Variants in HOOK3 observed in about 807,000 individuals in gnomAD.
HOOK3 encodes hook microtubule tethering protein 3, also known as protein Hook homolog 3.
In HOOK3, 24 loss-of-function variants were observed where a neutral mutation model predicts 116.3. The observed-to-expected ratio is 0.21, with a 90% confidence interval of 0.15 to 0.29. The LOEUF (loss-of-function observed/expected upper bound fraction) is 0.29, where lower values mean the gene tolerates loss of function less well. Among genes scored for constraint, HOOK3 ranks in the 10% least tolerant of loss-of-function variants. The probability of loss-of-function intolerance (pLI) is 1.00; values close to 1 mark genes in which losing one functional copy is unlikely to be tolerated. For missense variants in HOOK3, 632 were observed against 830.2 expected (o/e 0.76, Z 2.93); for synonymous variants, 275 against 283.0 (o/e 0.97, Z 0.28).
At position 42,903,002 on chromosome 8, in the gene HOOK3, G is replaced by A. The variant is rs141569291; in HGVS notation, c.58-3171G>A. Among the ~76,000 whole-genome samples the A allele has an allele frequency of 5.1e-4, 78 of 152,224 alleles. No homozygotes were observed. In the East Asian group the frequency reaches 0.011, roughly 22 times the overall value. ...TGGCAACTGTAGAATGGAAGCAAGTGCTTATTTCTTTTAAGTGCTTATTTC... is the reference window on the plus strand; with the variant it reads ...TGGCAACTGTAGAATGGAAGCAAGTACTTATTTCTTTTAAGTGCTTATTTC... On this transcript the variant is annotated intron_variant, in intron 1 of 21. Coordinates refer to ENST00000307602, the MANE Select transcript of HOOK3 (RefSeq NM_032410.4).
chr8:42,985,010 T>C (rs1809024303), intron 14 of HOOK3, among the ~76,000 whole-genome samples: 1 of 152,126 alleles, frequency 6.6e-6, no homozygotes, highest in African/African-American at 2.4e-5. Context: ...CAAGGAAAAA[T>C]GATAAACTGG....
chr8:42,901,489 A>G (rs1218707360), intron 1 of HOOK3, among the ~76,000 whole-genome samples: 5 of 152,160 alleles, frequency 3.3e-5, no homozygotes, highest in Non-Finnish European at 5.9e-5. Context: ...AGTCATCATG[A>G]CTATCTAGTT....
chr8:42,939,483 C>T, intron 4 of HOOK3, among the ~76,000 whole-genome samples: 1 of 146,440 alleles, frequency 6.8e-6, no homozygotes. Context: ...GGCAGAGGCG[C>T]CCCTCACCTC....
At chr8:43,016,792 G>A (rs1014304077) in intron 21 of HOOK3, among the ~76,000 whole-genome samples, 27 of 152,162 alleles carry the variant, frequency 1.8e-4, no homozygotes, top group African/African-American at 6.3e-4. Flanking sequence ...CTGATTTCAA[G>A]TTGAGTTTAA....
At chr8:42,972,515 G>C (rs563367976) in intron 11 of HOOK3, among the ~76,000 whole-genome samples, 1 of 152,118 alleles carries the variant, frequency 6.6e-6, no homozygotes, top group South Asian at 2.1e-4. Flanking sequence ...GGGCTCAAGT[G>C]ATCTTCCCAC....
intron 6 of HOOK3, among the ~76,000 whole-genome samples, chr8:42,951,341 C>T (rs1586606655): frequency 1.3e-5 from 2 of 152,132 alleles, no homozygotes; most frequent in South Asian, 2.1e-4. Context: ...GGATTACAGG[C>T]GTGAGCCACG....
intron 4 of HOOK3, among the ~76,000 whole-genome samples, chr8:42,942,293 C>T (rs1294699512): frequency 6.6e-6 from 1 of 152,162 alleles, no homozygotes; most frequent in Admixed American, 6.5e-5. Flanking sequence ...CAGTCCCGCT[C>T]CTCCAAAACC....
chr8:43,009,962 T>C (rs1454576703), intron 18 of HOOK3, among the ~76,000 whole-genome samples: 1 of 152,140 alleles, frequency 6.6e-6, no homozygotes, highest in Non-Finnish European at 1.5e-5. Flanking sequence ...AATGTCTCCA[T>C]ATCATAGCAT....
rs754998293 is a variant in HOOK3 at position 42,964,382 on chromosome 8, A to G, written c.687A>G (p.Gln229=). 3.7e-6 allele frequency: 6 copies of G among 1,614,136 alleles called. No homozygotes were observed. In the South Asian group the frequency reaches 6.6e-5, roughly 18 times the overall value. The change falls in exon 9 of 22, where the codon CAA becomes CAG. Residue 229 remains glutamine (Q), a synonymous_variant. Transcript: ENST00000307602. The part of the protein sequence containing the change: ...ENQVLMERLN[Q]SDSIEDPNSP... ...AGGTATTAATGGAAAGACTCAATCAATCTGATTCTATAGAAGACCCTAACA... is the reference window on the plus strand; with the variant it reads ...AGGTATTAATGGAAAGACTCAATCAGTCTGATTCTATAGAAGACCCTAACA...
At chr8:42,977,797 G>A (rs1401995227) in intron 13 of HOOK3, among the ~76,000 whole-genome samples, 1 of 152,262 alleles carries the variant, frequency 6.6e-6, no homozygotes, top group East Asian at 1.9e-4. Flanking sequence ...AACTCGGGAG[G>A]TGGATGCCAC....
At chr8:43,009,983 T>C (rs1035352727) in intron 18 of HOOK3, among the ~76,000 whole-genome samples, 2 of 151,966 alleles carry the variant, frequency 1.3e-5, no homozygotes, top group African/African-American at 4.8e-5. Flanking sequence ...GTGTCATAAC[T>C]AAGGCTGAAT....
At chr8:42,949,878 C>T (rs953701345) in intron 5 of HOOK3, among the ~76,000 whole-genome samples, 1 of 150,718 alleles carries the variant, frequency 6.6e-6, no homozygotes, top group African/African-American at 2.5e-5. Context: ...GATGGCGCCA[C>T]TGCACTCCAG....
intron 19 of HOOK3, among the ~76,000 whole-genome samples, chr8:43,012,666 C>G (rs1809635224): frequency 6.6e-6 from 1 of 152,046 alleles, no homozygotes; most frequent in Non-Finnish European, 1.5e-5. Flanking sequence ...GTGACATGAT[C>G]TCAGCTCACT....
At chr8:42,956,030 A>G (rs1167236737) in intron 6 of HOOK3, among the ~76,000 whole-genome samples, 2 of 152,082 alleles carry the variant, frequency 1.3e-5, no homozygotes, top group Non-Finnish European at 2.9e-5. Context: ...CACCACACCC[A>G]GTTATACATC....
chr8:42,935,053 A>G (rs200872493), intron 4 of HOOK3, among the ~76,000 whole-genome samples: 3 of 151,986 alleles, frequency 2.0e-5, no homozygotes, highest in Non-Finnish European at 2.9e-5. Flanking sequence ...TCCAGCATCT[A>G]TTGTTTCCTT....
At position 42,957,184 on chromosome 8, in the gene HOOK3, ATGAAAAGGT is replaced by A. The variant is rs770833522; in HGVS notation, c.531+37_531+45del. 9 of 1,426,806 alleles carry A rather than the reference ATGAAAAGGT, an allele frequency of 6.3e-6. No individual in the cohort carries two copies. The South Asian group carries it at 1.0e-4, about 17-fold the overall frequency. 88.4% of individuals were successfully genotyped at this position (1,426,806 alleles called of 1,614,324 possible). ...ATATAATTTTACATTGTTTTTATTC[ATGAAAAGGT>A]TGAAAAGGATAAGCATCAGATGTTA... On this transcript the variant is annotated intron_variant, in intron 7 of 21. Coordinates refer to ENST00000307602, the MANE Select transcript of HOOK3 (RefSeq NM_032410.4).
intron 4 of HOOK3, among the ~76,000 whole-genome samples, chr8:42,941,505 G>A (rs1334229757): frequency 3.1e-5 from 4 of 127,146 alleles, no homozygotes; most frequent in Non-Finnish European, 4.8e-5. Context: ...GCGATAGAGC[G>A]AGACTCCGTC....
chr8:42,964,146 T>G (rs1808586010), intron 8 of HOOK3, among the ~76,000 whole-genome samples, 165 bp from the exon 9 acceptor site: 1 of 152,122 alleles, frequency 6.6e-6, no homozygotes, highest in African/African-American at 2.4e-5. Context: ...GGCGGAGCTT[T>G]CAGTGAGCCG....
chr8:42,950,293 G>C, intron 5 of HOOK3, 95 bp from the exon 6 acceptor site: 1 of 799,664 alleles, frequency 1.3e-6, no homozygotes. Context: ...CAAAACACAG[G>C]GAAATGACTT....
Sources: allele counts gnomAD v4.1 joint callset (sites outside exome capture counted in the v4.1 genomes callset), GRCh38; gene constraint gnomAD v4.1.1; transcripts MANE v1.5; gene names NCBI Gene and HGNC (gene_info 2026-07-23, HGNC 2026-07-21).